LUZP2: variants seen among roughly 807,000 people sequenced by gnomAD.
LUZP2 encodes the protein leucine zipper protein 2.
Under a neutral mutation model 51.6 loss-of-function variants are expected in LUZP2, and 52 were observed. The observed-to-expected ratio is 1.01, with a 90% CI of 0.81 to 1.27. The LOEUF (loss-of-function observed/expected upper bound fraction) is 1.27. LUZP2 is among the 50% of genes most tolerant of loss of function. The probability of loss-of-function intolerance (pLI) is 0.00; values close to 1 mark genes in which losing one functional copy is unlikely to be tolerated. For synonymous variants in LUZP2, 154 were observed against 137.3 expected, an observed-to-expected ratio of 1.12 and a Z score of -0.85; for missense variants, 436 against 395.4, an observed-to-expected ratio of 1.10 and a Z score of -0.87.
At chr11:24,547,828 C>G (rs1173513359) in intron 1 of LUZP2, among the ~76,000 whole-genome samples, 1 of 151,918 alleles carries the variant, frequency 6.6e-6, no homozygotes, top group Non-Finnish European at 1.5e-5. Context: ...TGATAAAGGT[C>G]TAATATTCAG....
chr11:25,019,831 G>T (rs111980957), intron 9 of LUZP2, among the ~76,000 whole-genome samples: 2 of 151,998 alleles, frequency 1.3e-5, no homozygotes, highest in African/African-American at 4.8e-5. Flanking sequence ...GAGTAGGATC[G>T]CATATTGTTT....
At position 25,006,564 on chromosome 11, in the gene LUZP2, T is replaced by C. The variant is rs138315274; in HGVS notation, c.765+23271T>C. Among the ~76,000 whole-genome samples, 1,000 of 152,282 alleles carry C rather than the reference T, an allele frequency of 6.6e-3. 31 individuals carry two copies. The East Asian group carries it at 0.093, about 14-fold the overall frequency. On this transcript the variant is annotated intron_variant, in intron 9 of 11. Coordinates refer to ENST00000336930, the MANE Select transcript of LUZP2 (RefSeq NM_001009909.4). Reference sequence around the variant, plus strand: ...GAAAGCCTGACACCCGTGTCTTTAGTCCAGCGGCCACACTAGTCGCTTTTA... The same window carrying C: ...GAAAGCCTGACACCCGTGTCTTTAGCCCAGCGGCCACACTAGTCGCTTTTA...
intron 9 of LUZP2, among the ~76,000 whole-genome samples, chr11:25,016,859 C>T (rs1436838476): frequency 6.6e-6 from 1 of 151,912 alleles, no homozygotes; most frequent in Non-Finnish European, 1.5e-5. Flanking sequence ...ACACGTTTTT[C>T]ATAGAGGTTA....
chr11:24,783,358 T>C (rs556506457), intron 5 of LUZP2, among the ~76,000 whole-genome samples: 1 of 152,100 alleles, frequency 6.6e-6, no homozygotes, highest in South Asian at 2.1e-4. Flanking sequence ...ATTTTTTTTT[T>C]CCTAACCAAG....
intron 5 of LUZP2, among the ~76,000 whole-genome samples, chr11:24,793,694 A>G (rs1849467653): frequency 6.6e-6 from 1 of 152,160 alleles, no homozygotes; most frequent in African/African-American, 2.4e-5. Context: ...CTTATAAGAC[A>G]AGAAATATAA....
chr11:24,806,583 A>G (rs1198166684), intron 5 of LUZP2, among the ~76,000 whole-genome samples: 2 of 152,182 alleles, frequency 1.3e-5, no homozygotes, highest in Non-Finnish European at 2.9e-5. Flanking sequence ...TAAAATTCTC[A>G]CTACAAAGAA....
At chr11:24,740,218 G>T (rs1299579094) in intron 4 of LUZP2, among the ~76,000 whole-genome samples, 1 of 152,070 alleles carries the variant, frequency 6.6e-6, no homozygotes, top group Non-Finnish European at 1.5e-5. Flanking sequence ...GCTTGTATTT[G>T]CACAGCTATA....
intron 1 of LUZP2, among the ~76,000 whole-genome samples, chr11:24,587,328 C>T (rs927331287): frequency 6.6e-6 from 1 of 152,100 alleles, no homozygotes; most frequent in African/African-American, 2.4e-5. Flanking sequence ...GATGGTTTCA[C>T]CCAAATGTCT....
chr11:24,878,371 C>G (rs1305931504), intron 5 of LUZP2, among the ~76,000 whole-genome samples: 2 of 152,004 alleles, frequency 1.3e-5, no homozygotes, highest in Non-Finnish European at 2.9e-5. Context: ...TCATACCACT[C>G]TCTCCTATCC....
intron 4 of LUZP2, among the ~76,000 whole-genome samples, chr11:24,757,869 C>T (rs1859832850): frequency 6.6e-6 from 1 of 151,918 alleles, no homozygotes; most frequent in South Asian, 2.1e-4. Context: ...AAAATTTCTG[C>T]AATTAGAAAT....
At chr11:25,049,928 TATA>T (rs1174357728) in intron 9 of LUZP2, 107 bp from the exon 10 acceptor site, 1 of 470,512 alleles carries the variant, frequency 2.1e-6, no homozygotes, top group Non-Finnish European at 3.6e-6. Context: ...GTAATGTTGC[TATA>T]ATATTATATC....
chr11:25,034,724 T>A (rs1857796592), intron 9 of LUZP2, among the ~76,000 whole-genome samples: 1 of 152,106 alleles, frequency 6.6e-6, no homozygotes, highest in Non-Finnish European at 1.5e-5. Flanking sequence ...GAAGATGAAA[T>A]GGTTATAGGT....
chr11:24,990,531 A>C (rs1233221495), intron 9 of LUZP2, among the ~76,000 whole-genome samples: 1 of 152,030 alleles, frequency 6.6e-6, no homozygotes, highest in African/African-American at 2.4e-5. Context: ...AAAATGATGA[A>C]TTGAAAGGTA....
intron 10 of LUZP2, among the ~76,000 whole-genome samples, chr11:25,068,463 C>T (rs1023140881): frequency 1.3e-5 from 2 of 151,904 alleles, no homozygotes; most frequent in African/African-American, 2.4e-5. Context: ...TGCCAAGTTT[C>T]AACTTCTTGT....
At chr11:24,810,074 T>C (rs1182287537) in intron 5 of LUZP2, among the ~76,000 whole-genome samples, 1 of 152,184 alleles carries the variant, frequency 6.6e-6, no homozygotes, top group African/African-American at 2.4e-5. Context: ...TAAGTAGTTG[T>C]GTTCCAGGTA....
chr11:24,540,747 A>T (rs1470952427), intron 1 of LUZP2, among the ~76,000 whole-genome samples: 2 of 152,110 alleles, frequency 1.3e-5, no homozygotes, highest in African/African-American at 2.4e-5. Flanking sequence ...GTACTTGCAG[A>T]TTAAAATTAT....
At chr11:24,499,647 A>T (rs1849929121) in intron 1 of LUZP2, among the ~76,000 whole-genome samples, 1 of 152,154 alleles carries the variant, frequency 6.6e-6, no homozygotes, top group African/African-American at 2.4e-5. Flanking sequence ...ATCACGCTGG[A>T]TGCATTAGCA....
At chr11:24,617,512 G>C (rs2133898897) in intron 1 of LUZP2, among the ~76,000 whole-genome samples, 1 of 152,256 alleles carries the variant, frequency 6.6e-6, no homozygotes, top group East Asian at 1.9e-4. Flanking sequence ...GTACGATAGT[G>C]ATTTGGTATT....
At chr11:24,988,595 AAT>A (rs1856249547) in intron 9 of LUZP2, among the ~76,000 whole-genome samples, 1 of 152,102 alleles carries the variant, frequency 6.6e-6, no homozygotes, top group African/African-American at 2.4e-5. Context: ...AACTATATAA[AAT>A]ATGACTATGT....
Sources: allele counts gnomAD v4.1 joint callset (sites outside exome capture counted in the v4.1 genomes callset), GRCh38; gene constraint gnomAD v4.1.1; transcripts MANE v1.5; gene names NCBI Gene and HGNC (gene_info 2026-07-23, HGNC 2026-07-21).